The following DCDC1 variants were observed in gnomAD, a reference collection of about 807,000 sequenced individuals.
DCDC1 encodes the protein doublecortin domain-containing protein 1.
A neutral mutation model predicts 178.3 loss-of-function variants in DCDC1; 200 were observed. The observed-to-expected ratio is 1.12, with a 90% confidence interval of 1.00 to 1.26. DCDC1 has a LOEUF of 1.26. Among genes scored for constraint, DCDC1 ranks in the 50% most tolerant of loss-of-function variants. The probability of loss-of-function intolerance (pLI) is 0.00; values close to 1 mark genes in which losing one functional copy is unlikely to be tolerated. For missense variants in DCDC1, 1,983 were observed against 1,749.2 expected (o/e 1.13, Z -2.38); for synonymous variants, 690 against 604.8 (o/e 1.14, Z -2.07).
chr11:31,106,529 T>C (rs1357823348), intron 13 of DCDC1, among the ~76,000 whole-genome samples: 3 of 152,152 alleles, frequency 2.0e-5, no homozygotes, highest in African/African-American at 7.2e-5. Context: ...TACTCAGACA[T>C]GAACAAATCC....
chr11:31,193,935 T>C (rs1458095393), intron 9 of DCDC1, among the ~76,000 whole-genome samples: 2 of 152,072 alleles, frequency 1.3e-5, no homozygotes, highest in African/African-American at 4.8e-5. Context: ...AGCAAGTCAA[T>C]GGCTGCTGAC....
At chr11:30,946,988 G>A (rs576742060) in intron 21 of DCDC1, among the ~76,000 whole-genome samples, 7 of 152,064 alleles carry the variant, frequency 4.6e-5, no homozygotes, top group East Asian at 3.9e-4. Context: ...CACTGAAAAC[G>A]TAAACCATAA....
At chr11:31,117,618 T>C (rs1960162440) in intron 11 of DCDC1, among the ~76,000 whole-genome samples, 1 of 151,966 alleles carries the variant, frequency 6.6e-6, no homozygotes, top group African/African-American at 2.4e-5. Context: ...CTAAACTCAC[T>C]TTCCATTGTT....
intron 7 of DCDC1, chr11:31,280,539 T>C: frequency 3.6e-6 from 1 of 280,982 alleles, no homozygotes; most frequent in Non-Finnish European, 6.9e-6. Flanking sequence ...AAATCAGGAC[T>C]GCCCAACAAA....
chr11:30,965,242 T>G (rs1026219770), intron 20 of DCDC1, among the ~76,000 whole-genome samples: 27 of 152,202 alleles, frequency 1.8e-4, no homozygotes, highest in Admixed American at 1.7e-3. Flanking sequence ...TCCAGAGCCT[T>G]GAACTTGTTC....
intron 1 of DCDC1, among the ~76,000 whole-genome samples, chr11:31,340,249 G>T (rs574229397): frequency 1.3e-5 from 2 of 152,252 alleles, no homozygotes; most frequent in Admixed American, 1.3e-4. Context: ...GCAAGAATTG[G>T]TCTGCAGCAG....
rs369901233 is a variant in DCDC1, at chr11:31,351,572, T to A, written c.-124-16008A>T. 1.1e-3 allele frequency among the ~76,000 whole-genome samples: 168 copies of A among 152,210 alleles called. 3 individuals are homozygous for A. In the South Asian group the frequency reaches 0.034, roughly 31 times the overall value. On this transcript the variant is annotated intron_variant, in intron 1 of 38. Coordinates refer to ENST00000684477, the MANE Select transcript of DCDC1 (RefSeq NM_001387274.1). Reference sequence around the variant, plus strand: ...AAGTTTGTAAATATTATGTGGGAAATCTTAAGTTCTTTTAATGTAAATTTT... The same window carrying A: ...AAGTTTGTAAATATTATGTGGGAAAACTTAAGTTCTTTTAATGTAAATTTT...
At chr11:30,951,371 A>G (rs578252434) in intron 21 of DCDC1, among the ~76,000 whole-genome samples, 1 of 152,268 alleles carries the variant, frequency 6.6e-6, no homozygotes, top group East Asian at 1.9e-4. Flanking sequence ...TTACATGAAT[A>G]AGGGCAAAAT....
At chr11:31,137,354 G>A (rs1381094168) in intron 10 of DCDC1, among the ~76,000 whole-genome samples, 1 of 118,198 alleles carries the variant, frequency 8.5e-6, no homozygotes, top group Non-Finnish European at 1.8e-5. Flanking sequence ...GTTCATTGCA[G>A]GTTTTTTTTT....
intron 26 of DCDC1, among the ~76,000 whole-genome samples, chr11:30,916,665 T>C (rs1032526849): frequency 6.6e-6 from 1 of 152,156 alleles, no homozygotes; most frequent in African/African-American, 2.4e-5. Flanking sequence ...TAAGATATTA[T>C]ACACTGAACA....
At chr11:31,124,948 G>A (rs890160377) in intron 11 of DCDC1, among the ~76,000 whole-genome samples, 3 of 152,052 alleles carry the variant, frequency 2.0e-5, no homozygotes, top group African/African-American at 7.2e-5. Flanking sequence ...TTAAACTAAA[G>A]AGCTTCTGCA....
intron 20 of DCDC1, among the ~76,000 whole-genome samples, chr11:30,978,121 G>A (rs917976167): frequency 1.2e-4 from 18 of 152,100 alleles, no homozygotes; most frequent in Admixed American, 7.2e-4. Context: ...ACTCTGACTC[G>A]GGAAGTGATA....
At chr11:31,288,675 G>T (rs1169514171) in intron 7 of DCDC1, among the ~76,000 whole-genome samples, 3 of 151,668 alleles carry the variant, frequency 2.0e-5, no homozygotes, top group Non-Finnish European at 4.4e-5. Context: ...TAGTAATTGA[G>T]AAATAGTTAA....
chr11:31,154,668 CT>C (rs1965538226), intron 9 of DCDC1, among the ~76,000 whole-genome samples: 1 of 152,120 alleles, frequency 6.6e-6, no homozygotes, highest in Non-Finnish European at 1.5e-5. Context: ...AAAAGAAATT[CT>C]GGAAAGCCCT....
intron 20 of DCDC1, among the ~76,000 whole-genome samples, chr11:31,013,499 A>T (rs1325289162): frequency 6.6e-6 from 1 of 152,224 alleles, no homozygotes; most frequent in Non-Finnish European, 1.5e-5. Flanking sequence ...GAACTTAAAA[A>T]GTACTCATTT....
Position 31,184,074 on chromosome 11 carries a change from G to A in DCDC1, c.1222-46290C>T, listed in dbSNP as rs552771151. Among the ~76,000 whole-genome samples the A allele has an allele frequency of 2.8e-4, 43 of 152,228 alleles. 1 individual carries two copies. In the South Asian group the frequency reaches 8.1e-3, roughly 29 times the overall value. On this transcript the variant is annotated intron_variant, in intron 9 of 38. Coordinates refer to ENST00000684477, the MANE Select transcript of DCDC1 (RefSeq NM_001387274.1). ...ACAGTAACCAAAGCAGCATTGTACT[G>A]GTACCAAAACAGATATACAGACCAA...
intron 20 of DCDC1, among the ~76,000 whole-genome samples, chr11:31,012,616 A>C (rs1028517580): frequency 6.6e-6 from 1 of 151,824 alleles, no homozygotes; most frequent in African/African-American, 2.4e-5. Flanking sequence ...ACAAAAAAAA[A>C]AAAAAGAAAA....
chr11:30,870,422 A>T (rs1414521772), intron 38 of DCDC1, among the ~76,000 whole-genome samples: 2 of 152,162 alleles, frequency 1.3e-5, no homozygotes, highest in Non-Finnish European at 2.9e-5. Context: ...AGTGAACAGA[A>T]CTCATATTTT....
intron 9 of DCDC1, among the ~76,000 whole-genome samples, chr11:31,143,350 T>C: frequency 6.6e-6 from 1 of 151,930 alleles, no homozygotes; most frequent in East Asian, 1.9e-4. Flanking sequence ...CTAAGTAAAA[T>C]GAGTGAAGTG....
Sources: gnomAD v4.1 joint callset for allele counts (sites outside exome capture counted in the v4.1 genomes callset) on GRCh38, gnomAD v4.1.1 for gene constraint, MANE v1.5 for transcripts, NCBI Gene and HGNC (gene_info 2026-07-23, HGNC 2026-07-21) for gene names.